Variants in C10orf90 observed in about 807,000 individuals in gnomAD.
C10orf90 encodes chromosome 10 open reading frame 90, also known as (E2-independent) E3 ubiquitin-conjugating enzyme FATS.
In C10orf90, 56 loss-of-function variants were observed where a neutral mutation model predicts 62.5. The ratio of observed to expected loss-of-function variants is 0.90; its 90% CI spans 0.72 to 1.12. The LOEUF (loss-of-function observed/expected upper bound fraction) is 1.12. C10orf90 is among the 50% of genes most tolerant of loss of function. The pLI, the probability that C10orf90 is intolerant of heterozygous loss-of-function variation, is 0.00. For missense variants in C10orf90, 970 were observed against 880.4 expected (o/e 1.10, Z -1.29); for synonymous variants, 386 against 340.4 (o/e 1.13, Z -1.47).
intron 2 of C10orf90, among the ~76,000 whole-genome samples, chr10:126,543,489 T>C (rs1325601944): frequency 6.6e-6 from 1 of 152,130 alleles, no homozygotes; most frequent in Non-Finnish European, 1.5e-5. Flanking sequence ...TTCAGGACAA[T>C]TTTTCTATAA....
intron 2 of C10orf90, among the ~76,000 whole-genome samples, chr10:126,600,203 T>C (rs1334682685): frequency 9.9e-5 from 15 of 152,232 alleles, no homozygotes; most frequent in African/African-American, 3.6e-4. Flanking sequence ...CGCATGTGTG[T>C]GCAGGCAGGT....
At chr10:126,428,184 T>TAGCTATATA (rs1590873619) in intron 8 of C10orf90, among the ~76,000 whole-genome samples, 1 of 151,810 alleles carries the variant, frequency 6.6e-6, no homozygotes, top group East Asian at 1.9e-4. Context: ...AAAAATCACA[T>TAGCTATATA]AGCTATATAT....
intron 2 of C10orf90, among the ~76,000 whole-genome samples, chr10:126,629,463 T>G (rs1845809573): frequency 6.6e-6 from 1 of 152,158 alleles, no homozygotes; most frequent in Non-Finnish European, 1.5e-5. Context: ...CACATCTCAA[T>G]TATCAAGAAA....
At chr10:126,512,541 GA>G (rs1863192549) in intron 3 of C10orf90, among the ~76,000 whole-genome samples, 1 of 152,020 alleles carries the variant, frequency 6.6e-6, no homozygotes, top group Non-Finnish European at 1.5e-5. Context: ...AGCTCGGTGT[GA>G]AAAACAGGTG....
At chr10:126,454,938 TGTC>T (rs1182759066) in intron 7 of C10orf90, among the ~76,000 whole-genome samples, 1 of 152,038 alleles carries the variant, frequency 6.6e-6, no homozygotes, top group Admixed American at 6.6e-5. Context: ...GTGTACCTAA[TGTC>T]GGAGACTTGA....
intron 2 of C10orf90, among the ~76,000 whole-genome samples, chr10:126,585,386 A>AAT (rs1844841166): frequency 6.7e-6 from 1 of 148,412 alleles, no homozygotes; most frequent in African/African-American, 2.5e-5. Context: ...AAGAAAAGAA[A>AAT]GGAAAGAAGG....
intron 4 of C10orf90, among the ~76,000 whole-genome samples, chr10:126,479,826 G>C (rs1441187542): frequency 6.6e-6 from 1 of 152,326 alleles, no homozygotes; most frequent in East Asian, 1.9e-4. Context: ...AAAGGAACCA[G>C]AGAGATTCAC....
intron 2 of C10orf90, among the ~76,000 whole-genome samples, chr10:126,604,821 G>A (rs1305632880): frequency 6.6e-6 from 1 of 152,160 alleles, no homozygotes; most frequent in Non-Finnish European, 1.5e-5. Flanking sequence ...ATTTAATCAG[G>A]TAAGATAAGG....
At chr10:126,522,711 T>G (rs1424172828) in intron 2 of C10orf90, 1 of 152,382 alleles carries the variant, frequency 6.6e-6, no homozygotes, top group Non-Finnish European at 1.5e-5. Flanking sequence ...GAGCTCCATT[T>G]AAGTCTCTTA....
chr10:126,518,996 G>A (rs1177626713), intron 2 of C10orf90, among the ~76,000 whole-genome samples: 2 of 152,200 alleles, frequency 1.3e-5, no homozygotes, highest in African/African-American at 4.8e-5. Context: ...ATAAAGGTGG[G>A]AGAGATGCTT....
At chr10:126,522,143 C>T (rs1268434776) in intron 2 of C10orf90, among the ~76,000 whole-genome samples, 1 of 152,180 alleles carries the variant, frequency 6.6e-6, no homozygotes, top group Non-Finnish European at 1.5e-5. Flanking sequence ...TGGCGCATGC[C>T]TGTAATCCAA....
chr10:126,577,058 AG>A (rs1844642070), intron 2 of C10orf90, among the ~76,000 whole-genome samples: 1 of 151,824 alleles, frequency 6.6e-6, no homozygotes, highest in Non-Finnish European at 1.5e-5. Flanking sequence ...CTAGATAGGA[AG>A]AATAAATCCT....
intron 5 of C10orf90, chr10:126,463,482 A>C (rs1441441459): frequency 6.6e-6 from 1 of 152,394 alleles, no homozygotes; most frequent in Non-Finnish European, 1.5e-5. Context: ...AAGTGGGTTT[A>C]GAAAGGCCTT....
At chr10:126,438,738 G>C (rs1408624868) in intron 7 of C10orf90, among the ~76,000 whole-genome samples, 1 of 115,642 alleles carries the variant, frequency 8.6e-6, no homozygotes, top group Non-Finnish European at 1.8e-5. Flanking sequence ...ATGTATACAT[G>C]TGTGTATGTA....
intron 2 of C10orf90, among the ~76,000 whole-genome samples, chr10:126,584,159 C>G (rs941518406): frequency 1.3e-5 from 2 of 150,698 alleles, no homozygotes; most frequent in African/African-American, 4.9e-5. Flanking sequence ...GGGAAACTCT[C>G]AGCAGCAACA....
chr10:126,595,955 T>C (rs1290611019), intron 2 of C10orf90, among the ~76,000 whole-genome samples: 1 of 151,984 alleles, frequency 6.6e-6, no homozygotes, highest in African/African-American at 2.4e-5. Flanking sequence ...ACATGAAAAT[T>C]AATTTGAAAT....
rs758204538 is a variant in C10orf90 at position 126,454,468 on chromosome 10, C to A, written c.2188+4572G>T. 6.3e-4 allele frequency among the ~76,000 whole-genome samples: 96 copies of A among 151,860 alleles called. 1 individual carries two copies. The highest frequency in any genetic ancestry group is 3.7e-4 in the Non-Finnish European group (25 of 67,920). ...CTACCTACAAGGGCTGTACCTTCTA[C>A]AATCTGCAAAGGCTGTGCCCCTACG... On this transcript the variant is annotated intron_variant, in intron 7 of 9. Coordinates refer to ENST00000488181, the MANE Select transcript of C10orf90 (RefSeq NM_001350921.2).
At position 126,544,238 on chromosome 10, in the gene C10orf90, C is replaced by T. The variant is rs547849944; in HGVS notation, c.314-30299G>A. The stretch of plus-strand genomic sequence containing the variant: ...CTTCTGTGACATACATTTGTCCTTA[C>T]AGATGTGAAACTGCATCTGCTCATA... On this transcript the variant is annotated intron_variant, in intron 2 of 9. Coordinates refer to ENST00000488181, the MANE Select transcript of C10orf90 (RefSeq NM_001350921.2). Among the ~76,000 whole-genome samples, 6 of 152,328 alleles carry T rather than the reference C, an allele frequency of 3.9e-5. No homozygotes were observed. In the South Asian group the frequency reaches 1.2e-3, roughly 32 times the overall value.
At chr10:126,646,093 A>C (rs1846165612) in intron 2 of C10orf90, among the ~76,000 whole-genome samples, 1 of 152,222 alleles carries the variant, frequency 6.6e-6, no homozygotes. Flanking sequence ...TATGTTAACA[A>C]ACTTAATAAA....
Sources: gnomAD v4.1 joint callset for allele counts (sites outside exome capture counted in the v4.1 genomes callset) on GRCh38, gnomAD v4.1.1 for gene constraint, MANE v1.5 for transcripts, NCBI Gene and HGNC (gene_info 2026-07-23, HGNC 2026-07-21) for gene names.